Variants in CNOT9 observed in about 807,000 individuals in gnomAD.
CNOT9 encodes the protein RCD1 required for cell differentiation1 homolog.
CNOT9 carries 8 observed loss-of-function variants against 37.4 expected under a neutral mutation model. The ratio of observed to expected loss-of-function variants is 0.21; its 90% CI spans 0.13 to 0.39. CNOT9 has a LOEUF of 0.39. CNOT9 is among the 10% of genes least tolerant of loss of function. The pLI is 1.00. For missense variants in CNOT9, 154 were observed against 365.3 expected (o/e 0.42, Z 4.71); for synonymous variants, 120 against 137.6 (o/e 0.87, Z 0.90).
At chr2:218,571,657 C>T (rs185104435) in intron 1 of CNOT9, among the ~76,000 whole-genome samples, 6 of 151,242 alleles carry the variant, frequency 4.0e-5, no homozygotes, top group East Asian at 3.9e-4. Context: ...CAGCAATCTC[C>T]GCCTCCTGGG....
At chr2:218,576,385 CAT>C (rs1472394534) in intron 1 of CNOT9, among the ~76,000 whole-genome samples, 1 of 152,056 alleles carries the variant, frequency 6.6e-6, no homozygotes, top group Non-Finnish European at 1.5e-5. Context: ...GTTATATGTC[CAT>C]GTGTGTGTTG....
At chr2:218,594,017 T>C in intron 7 of CNOT9, 91 bp from the exon 8 acceptor site, 3 of 1,273,174 alleles carry the variant, frequency 2.4e-6, no homozygotes, top group South Asian at 2.7e-5. Flanking sequence ...GTATTCTAAA[T>C]ATTTATGTCT....
chr2:218,576,136 C>T (rs566621137), intron 1 of CNOT9, among the ~76,000 whole-genome samples: 4 of 152,282 alleles, frequency 2.6e-5, no homozygotes, highest in East Asian at 1.9e-4. Context: ...CTACTGCCCG[C>T]CTCCTTTTAA....
chr2:218,590,234 A>G (rs183572392), intron 5 of CNOT9, among the ~76,000 whole-genome samples: 1 of 151,918 alleles, frequency 6.6e-6, no homozygotes, highest in African/African-American at 2.4e-5. Context: ...TACCCAGCTA[A>G]TTTTTTGTAT....
Position 218,592,786 on chromosome 2 carries a change from TG to T in CNOT9, c.731+80del, listed in dbSNP as rs1318295662. 7 of 1,133,464 alleles carry T rather than the reference TG, an allele frequency of 6.2e-6. No homozygotes were observed. In the African/African-American group the frequency reaches 9.1e-5, roughly 15 times the overall value. The allele number at this position is 1,133,464 out of a possible 1,614,324, so 70.2% of individuals were successfully genotyped here. On this transcript the variant is annotated intron_variant, in intron 7 of 7. Transcript: ENST00000273064. The surrounding 1 kb of genome is among the most constrained non-coding windows in gnomAD (Gnocchi z 4.1). ...TCCTAATCTCATGGCATAGCTCCTG[TG>T]TCTTTAGGACAGGGAAGTGGGGATA... is the stretch of plus-strand genomic sequence containing the variant.
Position 218,592,551 on chromosome 2 carries a change from C to T in CNOT9, c.640-65C>T. 3 of 1,543,542 alleles carry T rather than the reference C, an allele frequency of 1.9e-6. No homozygotes were observed. Among genetic ancestry groups the T allele is most frequent in the South Asian group, 2.2e-5 (2 of 89,692 alleles). On this transcript the variant is annotated intron_variant, in intron 6 of 7. Coordinates refer to ENST00000273064, the MANE Select transcript of CNOT9 (RefSeq NM_005444.3). This position sits in a 1 kb window ranked among gnomAD's most constrained non-coding sequence, Gnocchi z 4.1. ...TCTTGGACTATCTGATCTCTGATGT[C>T]AATTAGAATTTGTTTGTGTTTTGTG... is the stretch of plus-strand genomic sequence containing the variant.
rs1694930743 is a variant in CNOT9 at position 218,596,581 on chromosome 2, A to T, written c.*2305A>T. 1 of 152,216 alleles carries T rather than the reference A, an allele frequency of 6.6e-6. No individual in the cohort carries two copies. The highest frequency in any genetic ancestry group is 1.5e-5 in the Non-Finnish European group (1 of 68,098). The allele number at this position is 152,216 out of a possible 1,614,324, so 9.4% of individuals were successfully genotyped here. Reference sequence around the variant, plus strand: ...CACACAGCCCTGCTAAGATGGCAGTAGTGGTTCTTTTGTGAACATGTTTTT... The same window carrying T: ...CACACAGCCCTGCTAAGATGGCAGTTGTGGTTCTTTTGTGAACATGTTTTT... On this transcript the variant is annotated 3_prime_UTR_variant, in exon 8 of 8. Coordinates refer to ENST00000273064, the MANE Select transcript of CNOT9 (RefSeq NM_005444.3).
chr2:218,572,107 G>C (rs1694018046), intron 1 of CNOT9, among the ~76,000 whole-genome samples: 1 of 151,620 alleles, frequency 6.6e-6, no homozygotes. Context: ...GATCACCTGA[G>C]GTCAAGAGTT....
chr2:218,569,350 T>G (rs1027143796), intron 1 of CNOT9, among the ~76,000 whole-genome samples: 1 of 152,214 alleles, frequency 6.6e-6, no homozygotes, highest in Non-Finnish European at 1.5e-5. Context: ...CCCCTGCTCT[T>G]AGAACTCACC....
rs889663775 is a variant in CNOT9 at position 218,592,436 on chromosome 2, T to A, written c.639+34T>A. 6.4e-7 allele frequency: 1 copy of A among 1,555,230 alleles called. No individual in the cohort carries two copies. The highest frequency in any genetic ancestry group is 8.9e-7 in the Non-Finnish European group (1 of 1,126,550). ...TTTCATCTATCCCCTTTACAACTAC[T>A]TCTCATCACAAAGCTTAATCTCTTT... On this transcript the variant is annotated intron_variant, in intron 6 of 7. Coordinates refer to ENST00000273064, the MANE Select transcript of CNOT9 (RefSeq NM_005444.3). The surrounding 1 kb of genome is among the most constrained non-coding windows in gnomAD (Gnocchi z 4.1).
At position 218,593,899 on chromosome 2, in the gene CNOT9, G is replaced by A. The variant is rs187562330; in HGVS notation, c.732-209G>A. 1.1e-4 allele frequency: 115 copies of A among 1,014,066 alleles called. No homozygotes were observed. The East Asian group carries it at 1.5e-3, about 13-fold the overall frequency. 62.8% of individuals were successfully genotyped at this position (1,014,066 alleles called of 1,614,324 possible). A position where few individuals can be genotyped will look rare whatever the true frequency, so the allele number is the denominator to read the frequency against. On this transcript the variant is annotated intron_variant, in intron 7 of 7. Transcript: ENST00000273064. Reference sequence around the variant, plus strand: ...CTTTTTCATGAAATTCTACATTGGGGCATCATTCAGAAAATATTTGTGGAT... The same window carrying A: ...CTTTTTCATGAAATTCTACATTGGGACATCATTCAGAAAATATTTGTGGAT...
At chr2:218,573,337 A>T (rs1259465721) in intron 1 of CNOT9, among the ~76,000 whole-genome samples, 1 of 151,084 alleles carries the variant, frequency 6.6e-6, no homozygotes, top group African/African-American at 2.5e-5. Flanking sequence ...AAAAAAAAAA[A>T]AGATACATTC....
At position 218,596,709 on chromosome 2, in the gene CNOT9, C is replaced by T. The variant is rs2106103860; in HGVS notation, c.*2433C>T. On this transcript the variant is annotated 3_prime_UTR_variant, in exon 8 of 8. Transcript: ENST00000273064. The stretch of plus-strand genomic sequence containing the variant: ...TGTTTTACTGGGACAGAACTTCACT[C>T]CTGGCCATATTGGCCAGAACTTAGT... 1 of 152,342 alleles carries T rather than the reference C, an allele frequency of 6.6e-6. No homozygotes were observed. Among genetic ancestry groups the T allele is most frequent in the Admixed American group, 6.5e-5 (1 of 15,300 alleles). The allele number at this position is 152,342 out of a possible 1,614,324, so 9.4% of individuals were successfully genotyped here.
In CNOT9 at chr2:218,595,209, T is replaced by A. The variant is rs148413800; in HGVS notation, c.*933T>A. The A allele has an allele frequency of 6.6e-6, 1 of 152,226 alleles. No homozygotes were observed. The highest frequency in any genetic ancestry group is 1.5e-5 in the Non-Finnish European group (1 of 68,020). 9.4% of individuals were successfully genotyped at this position (152,226 alleles called of 1,614,324 possible). ...GTGGACCTCACCTTCAATCCAAGTTTTCAAAGATATTTTCTCAATAACTCT... is the reference window on the plus strand; with the variant it reads ...GTGGACCTCACCTTCAATCCAAGTTATCAAAGATATTTTCTCAATAACTCT... On this transcript the variant is annotated 3_prime_UTR_variant, in exon 8 of 8. Transcript: ENST00000273064.
chr2:218,592,199 C>T lies in CNOT9; in HGVS notation c.541-105C>T. 1 of 773,678 alleles carries T rather than the reference C, an allele frequency of 1.3e-6. No individual in the cohort carries two copies. The highest frequency in any genetic ancestry group is 1.6e-5 in the South Asian group (1 of 62,644). 47.9% of individuals were successfully genotyped at this position (773,678 alleles called of 1,614,324 possible). On this transcript the variant is annotated intron_variant, in intron 5 of 7. Transcript: ENST00000273064. This position sits in a 1 kb window ranked among gnomAD's most constrained non-coding sequence, Gnocchi z 4.1. ...TGTACATAATATACAAGGATCCCTG[C>T]TTGCTCAATTTTCTGACTGATAGTC...
intron 1 of CNOT9, among the ~76,000 whole-genome samples, chr2:218,579,573 GCCT>G (rs1424800805): frequency 6.6e-6 from 1 of 150,534 alleles, no homozygotes; most frequent in Admixed American, 6.6e-5. Context: ...TGCAACCTCC[GCCT>G]CCTGGGTTCA....
At chr2:218,593,756 A>G in intron 7 of CNOT9, 2 of 1,204,508 alleles carry the variant, frequency 1.7e-6, no homozygotes, top group Non-Finnish European at 2.1e-6. Flanking sequence ...TAATGTACTG[A>G]TTTTTGAATT....
chr2:218,571,001 A>G (rs956169734), intron 1 of CNOT9, among the ~76,000 whole-genome samples: 5 of 152,186 alleles, frequency 3.3e-5, no homozygotes, highest in African/African-American at 1.2e-4. Context: ...GAGCCACCTC[A>G]TTCTCAATTC....
chr2:218,569,372 G>A (rs1200112106), intron 1 of CNOT9, among the ~76,000 whole-genome samples: 1 of 152,178 alleles, frequency 6.6e-6, no homozygotes, highest in Non-Finnish European at 1.5e-5. Flanking sequence ...CGTCGCAGCG[G>A]GAAGGAAATG....
Sources: allele counts gnomAD v4.1 joint callset (sites outside exome capture counted in the v4.1 genomes callset), GRCh38; gene constraint gnomAD v4.1.1; non-coding constraint Gnocchi (gnomAD v3.1); transcripts MANE v1.5; gene names NCBI Gene and HGNC (gene_info 2026-07-23, HGNC 2026-07-21).